ARAP1: variants seen among roughly 807,000 people sequenced by gnomAD.
The protein encoded by ARAP1 is ArfGAP with RhoGAP domain, ankyrin repeat and PH domain 1.
Under a neutral mutation model 172.2 loss-of-function variants are expected in ARAP1, and 76 were observed. The ratio of observed to expected loss-of-function variants is 0.44; its 90% CI spans 0.37 to 0.53. The LOEUF (loss-of-function observed/expected upper bound fraction) is 0.53, where lower values mean the gene tolerates loss of function less well. Among genes scored for constraint, ARAP1 ranks in the 20% least tolerant of loss-of-function variants. The probability of loss-of-function intolerance (pLI) is 0.00; values close to 1 mark genes in which losing one functional copy is unlikely to be tolerated. For missense variants in ARAP1, 1,686 were observed against 1,977.5 expected, an observed-to-expected ratio of 0.85 and a Z score of 2.80; for synonymous variants, 804 against 803.3, an observed-to-expected ratio of 1.00 and a Z score of -0.01.
chr11:72,749,755 G>A (rs1046427021), intron 1 of ARAP1, among the ~76,000 whole-genome samples: 3 of 151,862 alleles, frequency 2.0e-5, no homozygotes, highest in South Asian at 2.1e-4. Flanking sequence ...GGTGGCGGGC[G>A]CCTGTAGTCC....
rs536695050 is a variant in ARAP1 at position 72,712,438 on chromosome 11, T to C, written c.878A>G (p.Asn293Ser). 14 of 1,573,234 alleles carry C rather than the reference T, an allele frequency of 8.9e-6. No individual in the cohort carries two copies. The highest frequency in any genetic ancestry group is 1.3e-5 in the African/African-American group (1 of 74,304). Residue 293 changes from asparagine to serine, a missense_variant and splice_region_variant, in exon 6 of 35, where the codon AAT becomes AGT. Around this residue, in one of 5 missense-constraint regions of ARAP1, gnomAD observed 688 missense variants for 856.9 expected, o/e 0.80. Coordinates refer to ENST00000393609, the MANE Select transcript of ARAP1 (RefSeq NM_001040118.3). ...GGAAGGAGGGTGGCCGGACACTCAC[T>C]TGGGGACGCCCTCATAGGCGTGGTC... ...EDDHAYEGVPNGGWHTSSLSL... is the reference protein window; with the variant it reads ...EDDHAYEGVPSGGWHTSSLSL...
At chr11:72,690,626 C>T (rs1366258301) in intron 30 of ARAP1, among the ~76,000 whole-genome samples, 5 of 152,244 alleles carry the variant, frequency 3.3e-5, no homozygotes, top group Admixed American at 1.3e-4. Context: ...GCCATCCTCC[C>T]ACCTTGACCT....
rs944781011 is a variant in ARAP1, at chr11:72,699,336, C to T, written c.2438+81G>A. The stretch of plus-strand genomic sequence containing the variant: ...GTGACTCTGCGGAGGTCCTCCCCTT[C>T]TCTGGGTCTATTTCCCTGTCTCCCC... On this transcript the variant is annotated intron_variant, in intron 17 of 34. Coordinates refer to ENST00000393609, the MANE Select transcript of ARAP1 (RefSeq NM_001040118.3). This position sits in a 1 kb window ranked among gnomAD's most constrained non-coding sequence, Gnocchi z 4.2. The T allele has an allele frequency of 1.9e-6, 3 of 1,589,626 alleles. No homozygotes were observed. Among genetic ancestry groups the T allele is most frequent in the African/African-American group, 1.3e-5 (1 of 74,638 alleles).
chr11:72,738,817 C>T (rs1465879433), intron 1 of ARAP1, among the ~76,000 whole-genome samples: 4 of 152,186 alleles, frequency 2.6e-5, no homozygotes, highest in South Asian at 2.1e-4. Context: ...ACCTACCACC[C>T]CACCCAATGG....
chr11:72,731,302 G>A (rs551898460), intron 2 of ARAP1, among the ~76,000 whole-genome samples: 8 of 152,318 alleles, frequency 5.3e-5, no homozygotes, highest in African/African-American at 1.9e-4. Context: ...AATGTTGGAG[G>A]TGGACCTAGT....
At chr11:72,696,159 G>C (rs528369407) in intron 23 of ARAP1, among the ~76,000 whole-genome samples, 1 of 152,020 alleles carries the variant, frequency 6.6e-6, no homozygotes, top group East Asian at 1.9e-4. Flanking sequence ...CAAGGACAGG[G>C]TCGGGGGGCA....
At chr11:72,751,958 G>T (rs1233710224) in intron 1 of ARAP1, among the ~76,000 whole-genome samples, 1 of 152,232 alleles carries the variant, frequency 6.6e-6, no homozygotes, top group Non-Finnish European at 1.5e-5. Flanking sequence ...CCCAGGCCCA[G>T]GGCATAGGGT....
intron 3 of ARAP1, among the ~76,000 whole-genome samples, chr11:72,724,852 G>A (rs900932922): frequency 3.5e-4 from 53 of 152,232 alleles, no homozygotes; most frequent in African/African-American, 1.2e-3. Flanking sequence ...AAACTACAAG[G>A]GGCTAGACCT....
intron 33 of ARAP1, 166 bp downstream of exon 33, chr11:72,687,273 A>G: frequency 1.2e-6 from 1 of 845,300 alleles, no homozygotes; most frequent in Non-Finnish European, 1.9e-6. Flanking sequence ...GACTAACAGT[A>G]GGTGCTAGGA....
intron 1 of ARAP1, among the ~76,000 whole-genome samples, chr11:72,736,018 A>C (rs1448134954): frequency 3.9e-5 from 6 of 152,196 alleles, no homozygotes; most frequent in Non-Finnish European, 7.4e-5. Context: ...AAATTGAAAA[A>C]AGAAGTTCAG....
At position 72,697,241 on chromosome 11, in the gene ARAP1, C is replaced by A. The variant is rs868281988; in HGVS notation, c.2954-46G>T. Reference sequence around the variant, plus strand: ...GCGTTCGGGGCCTGAGGCATAGAGTCATGGGGCGGGGCCGCGCAGCTCTGG... The same window carrying A: ...GCGTTCGGGGCCTGAGGCATAGAGTAATGGGGCGGGGCCGCGCAGCTCTGG... On this transcript the variant is annotated intron_variant, in intron 21 of 34. Coordinates refer to ENST00000393609, the MANE Select transcript of ARAP1 (RefSeq NM_001040118.3). 3.1e-6 allele frequency: 5 copies of A among 1,588,074 alleles called. No homozygotes were observed. In the Middle Eastern group the frequency reaches 6.7e-4, roughly 212 times the overall value.
At position 72,697,378 on chromosome 11, in the gene ARAP1, C is replaced by G. The variant is rs1475337217; in HGVS notation, c.2898G>C (p.Gly966=). The G allele has an allele frequency of 6.2e-7, 1 of 1,608,688 alleles. No homozygotes were observed. The highest frequency in any genetic ancestry group is 1.3e-5 in the African/African-American group (1 of 74,842). The change falls in exon 21 of 35, where the codon GGG becomes GGC. Residue 966 remains glycine (G), a synonymous_variant. Transcript: ENST00000393609. ...MGDTLSEQQL[G]DSDIPVIVYR... is the part of the protein sequence containing the mutation. ...ACACGATCACCGGGATATCCGAGTC[C>G]CCAAGCTGCTGCTCCGACAGCGTGT...
At chr11:72,745,756 C>G (rs1266226579) in intron 1 of ARAP1, among the ~76,000 whole-genome samples, 2 of 152,116 alleles carry the variant, frequency 1.3e-5, no homozygotes, top group African/African-American at 2.4e-5. Context: ...TGGAGAGGAC[C>G]AGGGGCCACA....
intron 18 of ARAP1, among the ~76,000 whole-genome samples, chr11:72,698,323 C>A (rs1486747482): frequency 6.6e-6 from 1 of 152,234 alleles, no homozygotes; most frequent in Non-Finnish European, 1.5e-5. Context: ...TCCCAGACAC[C>A]TTCTGGAGGG....
intron 12 of ARAP1, among the ~76,000 whole-genome samples, chr11:72,706,161 A>G (rs1591196815): frequency 2.6e-5 from 4 of 152,138 alleles, no homozygotes; most frequent in African/African-American, 9.7e-5. Context: ...CACTCTTAAC[A>G]AAGCCCTGCC....
At chr11:72,749,312 C>T (rs190516826) in intron 1 of ARAP1, among the ~76,000 whole-genome samples, 2 of 152,334 alleles carry the variant, frequency 1.3e-5, no homozygotes, top group Admixed American at 1.3e-4. Context: ...GTTACTTAGC[C>T]TCTCTGTGCC....
rs138871455 is a variant in ARAP1, at chr11:72,730,517, T to C, written c.-45+1998A>G. ...TTCGAGACCAGTCTGGTCAACATGG[T>C]AAAATCCCGTCTCTACTAAAAATAC... On this transcript the variant is annotated intron_variant, in intron 2 of 34. Transcript: ENST00000393609. Among the ~76,000 whole-genome samples the C allele has an allele frequency of 3.3e-5, 5 of 152,264 alleles. No individual in the cohort carries two copies. In the East Asian group the frequency reaches 9.7e-4, roughly 29 times the overall value.
At chr11:72,713,282 C>G (rs1857116592) in intron 4 of ARAP1, 39 bp from the exon 5 acceptor site, 11 of 1,588,338 alleles carry the variant, frequency 6.9e-6, no homozygotes, top group Non-Finnish European at 9.5e-6. Flanking sequence ...GGGCAAGGGG[C>G]CTGGCCTCCT....
intron 3 of ARAP1, chr11:72,721,901 G>C: frequency 1.0e-6 from 1 of 985,926 alleles, no homozygotes; most frequent in Non-Finnish European, 1.2e-6. Flanking sequence ...GCTCCGGCCA[G>C]GCGGGCTGCG....
Sources: allele counts gnomAD v4.1 joint callset (sites outside exome capture counted in the v4.1 genomes callset), GRCh38; gene constraint gnomAD v4.1.1; regional missense constraint gnomAD v4.1.1; non-coding constraint Gnocchi (gnomAD v3.1); transcripts MANE v1.5; gene names NCBI Gene and HGNC (gene_info 2026-07-23, HGNC 2026-07-21).